ERV3-1: variants seen among roughly 807,000 people sequenced by gnomAD.
ERV3-1 encodes endogenous retrovirus group 3 member 1, envelope.
Under a neutral mutation model 24.6 loss-of-function variants are expected in ERV3-1, and 36 were observed. The observed-to-expected ratio is 1.47, with a 90% CI of 1.12 to 1.94. The LOEUF is 1.94. Among genes scored for constraint, ERV3-1 ranks in the 30% most tolerant of loss-of-function variants. ERV3-1 has a pLI of 0.00. For synonymous variants in ERV3-1, 211 were observed against 122.6 expected, an observed-to-expected ratio of 1.72 and a Z score of -4.76; for missense variants, 578 against 330.9, an observed-to-expected ratio of 1.75 and a Z score of -5.79.
chr7:64,996,486 G>T (rs1386409136), intron 1 of ERV3-1, among the ~76,000 whole-genome samples: 1 of 152,208 alleles, frequency 6.6e-6, no homozygotes, highest in African/African-American at 2.4e-5. Context: ...CTGCATTGGT[G>T]CCTGTACTTC....
chr7:64,999,576 G>A (rs1197780385), intron 1 of ERV3-1, among the ~76,000 whole-genome samples: 1 of 152,176 alleles, frequency 6.6e-6, no homozygotes, highest in Admixed American at 6.5e-5. Flanking sequence ...ACCGTGACAG[G>A]TTTTACAACA....
intron 1 of ERV3-1, chr7:65,006,203 T>C: frequency 3.1e-6 from 1 of 319,872 alleles, no homozygotes; most frequent in Non-Finnish European, 5.9e-6. Context: ...ATTCATGAAC[T>C]CTGCATCCTG....
rs896205782 is a variant in ERV3-1 at position 64,992,038 on chromosome 7, C to G, written c.989G>C (p.Ser330Thr). The change falls in exon 2 of 2, where the codon AGT becomes ACT. Residue 330 changes from serine to threonine, a missense_variant. Ser to Thr is a moderately conservative substitution (Grantham distance 58). Transcript: ENST00000394323. The part of the protein sequence containing the change: ...TASSLEPAPS[S>T]QSIWFLKTSI... ...GGTTTTTAAGAACCAGATGCTCTGA[C>G]TTGATGGTGCAGGTTCGAGGGAAGA... 2 of 766,276 alleles carry G rather than the reference C, an allele frequency of 2.6e-6. No individual in the cohort carries two copies. Among genetic ancestry groups the G allele is most frequent in the Non-Finnish European group, 4.8e-6 (2 of 417,916 alleles). 47.5% of individuals were successfully genotyped at this position (766,276 alleles called of 1,614,324 possible). A position where few individuals can be genotyped will look rare whatever the true frequency, so the allele number is the denominator to read the frequency against.
intron 1 of ERV3-1, among the ~76,000 whole-genome samples, chr7:65,002,860 C>G (rs1446867947): frequency 2.0e-5 from 3 of 152,156 alleles, no homozygotes; most frequent in Non-Finnish European, 4.4e-5. Flanking sequence ...AGAAAGAAAG[C>G]CTTTATCTGT....
chr7:64,995,216 G>A (rs767183360), intron 1 of ERV3-1, among the ~76,000 whole-genome samples: 1 of 152,216 alleles, frequency 6.6e-6, no homozygotes, highest in Non-Finnish European at 1.5e-5. Flanking sequence ...TGTTGCCCCA[G>A]GGTCAGTTTG....
intron 1 of ERV3-1, among the ~76,000 whole-genome samples, chr7:64,994,215 G>C (rs1436643314): frequency 2.0e-5 from 3 of 152,156 alleles, no homozygotes; most frequent in Non-Finnish European, 2.9e-5. Flanking sequence ...GTTAAATATT[G>C]TTCACAAACA....
At position 64,991,229 on chromosome 7, in the gene ERV3-1, G is replaced by T. The variant is rs1159656966; in HGVS notation, c.1798C>A (p.Gln600Lys). ...KIQKLAHIPV[Q>K]TWKG ...TCTGGAGACTATCCTTTCCAAGTCT[G>T]AACTGGGATGTGAGCTAACTTTTGG... The change falls in exon 2 of 2, where the codon CAG (glutamine) becomes AAG (lysine). Residue 600 changes from glutamine to lysine, a missense_variant. Transcript: ENST00000394323. 9.3e-6 allele frequency: 7 copies of T among 754,276 alleles called. No homozygotes were observed. The highest frequency in any genetic ancestry group is 1.7e-5 in the Non-Finnish European group (7 of 411,764). 46.7% of individuals were successfully genotyped at this position (754,276 alleles called of 1,614,324 possible).
chr7:64,993,334 G>T lies in ERV3-1; in HGVS notation c.-308C>A, dbSNP rs1354823727. The stretch of plus-strand genomic sequence containing the variant: ...AGGATCAGCTGGGTTGCATGGTCTA[G>T]GTCCTGTTGGCTGGTCCACTTGTCC... On this transcript the variant is annotated 5_prime_UTR_variant, in exon 2 of 2. Coordinates refer to ENST00000394323, the MANE Select transcript of ERV3-1 (RefSeq NM_001007253.4). The T allele has an allele frequency of 7.3e-6, 2 of 275,410 alleles. No individual in the cohort carries two copies. The highest frequency in any genetic ancestry group is 1.4e-5 in the Non-Finnish European group (2 of 144,964). 17.1% of individuals were successfully genotyped at this position (275,410 alleles called of 1,614,324 possible).
chr7:64,993,277 T>C lies in ERV3-1; in HGVS notation c.-251A>G. Reference sequence around the variant, plus strand: ...TTCCGGAGTGACCAGAGCAGGGCTGTTGTCATCTCACTGGCACCTTGGTTC... The same window carrying C: ...TTCCGGAGTGACCAGAGCAGGGCTGCTGTCATCTCACTGGCACCTTGGTTC... On this transcript the variant is annotated 5_prime_UTR_variant, in exon 2 of 2. Coordinates refer to ENST00000394323, the MANE Select transcript of ERV3-1 (RefSeq NM_001007253.4). 7.1e-6 allele frequency: 3 copies of C among 422,836 alleles called. No homozygotes were observed. Among genetic ancestry groups the C allele is most frequent in the Non-Finnish European group, 1.3e-5 (3 of 234,904 alleles). 26.2% of individuals were successfully genotyped at this position (422,836 alleles called of 1,614,324 possible).
Position 65,006,592 on chromosome 7 carries a change from A to G in ERV3-1, c.-440T>C. 6.4e-7 allele frequency: 1 copy of G among 1,572,348 alleles called. No homozygotes were observed. The highest frequency in any genetic ancestry group is 2.2e-5 in the East Asian group (1 of 44,520). On this transcript the variant is annotated 5_prime_UTR_variant, in exon 1 of 2. Transcript: ENST00000394323. ...GCGTCTTAGCTGTGGATCTCCCAAT[A>G]CCTGCAGGTAACGAGGCCACAGAAG...
chr7:64,995,613 C>T (rs964113397), intron 1 of ERV3-1, among the ~76,000 whole-genome samples: 2 of 152,168 alleles, frequency 1.3e-5, no homozygotes, highest in Non-Finnish European at 2.9e-5. Flanking sequence ...TATTTGGCGC[C>T]AGGTGGTTGG....
chr7:64,992,129 T>C lies in ERV3-1; in HGVS notation c.898A>G (p.Met300Val). 1 of 766,384 alleles carries C rather than the reference T, an allele frequency of 1.3e-6. No homozygotes were observed. Among genetic ancestry groups the C allele is most frequent in the Non-Finnish European group, 2.4e-6 (1 of 417,892 alleles). 47.5% of individuals were successfully genotyped at this position (766,384 alleles called of 1,614,324 possible). A position where few individuals can be genotyped will look rare whatever the true frequency, so the allele number is the denominator to read the frequency against. Residue 300 changes from methionine (M) to valine (V), a missense_variant, in exon 2 of 2, where the codon ATG (methionine) becomes GTG (valine). Physicochemically the swap from Met to Val is conservative, Grantham distance 21. Coordinates refer to ENST00000394323, the MANE Select transcript of ERV3-1 (RefSeq NM_001007253.4). The part of the protein sequence containing the change: ...ASCYVCGGMN[M>V]GDQWPWEARE... The stretch of plus-strand genomic sequence containing the variant: ...GCTTCCCATGGCCATTGGTCTCCCA[T>C]GTTCATTCCCCCACAGACATAACAT...
intron 1 of ERV3-1, among the ~76,000 whole-genome samples, chr7:65,000,037 C>T (rs1261206294): frequency 6.6e-6 from 1 of 152,178 alleles, no homozygotes; most frequent in Non-Finnish European, 1.5e-5. Flanking sequence ...CCAGGCACCT[C>T]ATAATTGGGT....
chr7:64,993,274 CTG>C lies in ERV3-1; in HGVS notation c.-250_-249del. The C allele has an allele frequency of 2.3e-6, 1 of 431,826 alleles. No individual in the cohort carries two copies. Among genetic ancestry groups the C allele is most frequent in the Non-Finnish European group, 4.2e-6 (1 of 239,946 alleles). 26.7% of individuals were successfully genotyped at this position (431,826 alleles called of 1,614,324 possible). A position where few individuals can be genotyped will look rare whatever the true frequency, so the allele number is the denominator to read the frequency against. On this transcript the variant is annotated 5_prime_UTR_variant, in exon 2 of 2. An upstream open reading frame in the 5' UTR gains an earlier in-frame stop. Coordinates refer to ENST00000394323, the MANE Select transcript of ERV3-1 (RefSeq NM_001007253.4). ...AGCTTCCGGAGTGACCAGAGCAGGG[CTG>C]TTGTCATCTCACTGGCACCTTGGTT...
At chr7:64,997,018 T>C (rs1406224423) in intron 1 of ERV3-1, among the ~76,000 whole-genome samples, 6 of 152,244 alleles carry the variant, frequency 3.9e-5, no homozygotes, top group Non-Finnish European at 7.3e-5. Flanking sequence ...CTCTGTCATT[T>C]TCTTCATTGC....
chr7:64,994,646 T>C (rs1786365407), intron 1 of ERV3-1, among the ~76,000 whole-genome samples: 2 of 152,258 alleles, frequency 1.3e-5, no homozygotes, highest in African/African-American at 2.4e-5. Context: ...CTAAGAGCTG[T>C]AGAATTCATT....
At chr7:64,997,208 GC>G (rs2129123390) in intron 1 of ERV3-1, among the ~76,000 whole-genome samples, 1 of 152,294 alleles carries the variant, frequency 6.6e-6, no homozygotes, top group South Asian at 2.1e-4. Context: ...TAGCAGATCG[GC>G]CTTTTTCTTA....
chr7:65,003,198 T>A (rs1279195310), intron 1 of ERV3-1, among the ~76,000 whole-genome samples: 2 of 152,056 alleles, frequency 1.3e-5, no homozygotes, highest in Non-Finnish European at 2.9e-5. Flanking sequence ...TTTAATACCC[T>A]CCCTCCCTGG....
intron 1 of ERV3-1, among the ~76,000 whole-genome samples, chr7:65,002,539 G>A (rs1584070781): frequency 6.6e-6 from 1 of 152,244 alleles, no homozygotes; most frequent in East Asian, 1.9e-4. Flanking sequence ...TGTTGGCCAG[G>A]CTGGTCTCGA....
Sources: allele counts gnomAD v4.1 joint callset (sites outside exome capture counted in the v4.1 genomes callset), GRCh38; gene constraint gnomAD v4.1.1; transcripts MANE v1.5; gene names NCBI Gene and HGNC (gene_info 2026-07-23, HGNC 2026-07-21).